Variants in SFI1 observed in about 807,000 individuals in gnomAD.
SFI1 encodes protein SFI1 homolog.
Under a neutral mutation model 207.5 loss-of-function variants are expected in SFI1, and 195 were observed. The ratio of observed to expected loss-of-function variants is 0.94; its 90% CI spans 0.84 to 1.06. The LOEUF (loss-of-function observed/expected upper bound fraction) is 1.06, where lower values mean the gene tolerates loss of function less well. SFI1 is among the 50% of genes least tolerant of loss of function. SFI1 has a pLI of 0.00. For missense variants in SFI1, 1,634 were observed against 1,588.0 expected, an observed-to-expected ratio of 1.03 and a Z score of -0.49; for synonymous variants, 630 against 598.9, an observed-to-expected ratio of 1.05 and a Z score of -0.76.
chr22:31,545,901 T>A (rs1037939677), intron 4 of SFI1, among the ~76,000 whole-genome samples: 2 of 143,904 alleles, frequency 1.4e-5, no homozygotes, highest in Non-Finnish European at 3.0e-5. Flanking sequence ...TTTTTTTTTT[T>A]AATGTATTTG....
At chr22:31,609,942 G>A (rs755622364) in intron 22 of SFI1, among the ~76,000 whole-genome samples, 75 of 152,324 alleles carry the variant, frequency 4.9e-4, no homozygotes, top group Non-Finnish European at 7.2e-4. Context: ...TAGAGGCGAC[G>A]GGTTTGAGTG....
intron 15 of SFI1, among the ~76,000 whole-genome samples, chr22:31,599,169 T>G (rs5753720): frequency 0.99 from 150,408 of 152,070 alleles, 74,404 homozygotes; most frequent in Middle Eastern, 1. Context: ...GATCTGAAAA[T>G]ATATTTTCCT....
intron 12 of SFI1, among the ~76,000 whole-genome samples, chr22:31,581,476 A>T (rs2064171554): frequency 6.6e-6 from 1 of 151,726 alleles, no homozygotes; most frequent in Admixed American, 6.6e-5. Flanking sequence ...TTTTTAGTAG[A>T]GACGGGTTTT....
chr22:31,606,864 A>C (rs1398851052), intron 21 of SFI1: 1 of 158,624 alleles, frequency 6.3e-6, no homozygotes, highest in Admixed American at 6.2e-5. Context: ...CGTCCGACTA[A>C]TTTTTGTATT....
At chr22:31,588,594 C>T (rs1384951029) in intron 14 of SFI1, among the ~76,000 whole-genome samples, 1 of 152,188 alleles carries the variant, frequency 6.6e-6, no homozygotes, top group Admixed American at 6.5e-5. Context: ...GCAGGCAGAT[C>T]GTGAGGTCAA....
chr22:31,614,933 A>C (rs1370018022), intron 28 of SFI1, 73 bp downstream of exon 28: 4 of 1,584,102 alleles, frequency 2.5e-6, no homozygotes, highest in South Asian at 2.3e-5. Flanking sequence ...GGGCACCTCC[A>C]TGTGGGGCCT....
chr22:31,611,269 G>A lies in SFI1; in HGVS notation c.2381G>A (p.Trp794Ter). 1 of 1,611,692 alleles carries A rather than the reference G, an allele frequency of 6.2e-7. No homozygotes were observed. Among genetic ancestry groups the A allele is most frequent in the Non-Finnish European group, 8.5e-7 (1 of 1,178,784 alleles). The change falls in exon 23 of 33, where the codon TGG becomes TAG. Residue 794 changes from tryptophan to a stop codon, truncating the protein, a stop_gained. Transcript: ENST00000400288. LOFTEE classifies it high-confidence loss of function. ...CTGCTGCTGGAGGGGCTGGCCCGGT[G>A]GAAGACGCACCATCTGCAGTGTGTC... ...RQLLLEGLAR[W>*]KTHHLQCVRK...
At chr22:31,585,156 A>G in intron 14 of SFI1, 22 bp downstream of exon 14, 1 of 1,599,300 alleles carries the variant, frequency 6.3e-7, no homozygotes, top group Non-Finnish European at 8.6e-7. Flanking sequence ...TTTTTAGCAG[A>G]TAGCTCTACT....
intron 19 of SFI1, 24 bp from the exon 20 acceptor site, chr22:31,604,845 C>G (rs749567894): frequency 1.1e-5 from 17 of 1,604,994 alleles, no homozygotes; most frequent in Non-Finnish European, 1.4e-5. Context: ...CAAGAGCAGC[C>G]TCAGTCTTCC....
chr22:31,556,561 A>G (rs1238692770), intron 6 of SFI1, among the ~76,000 whole-genome samples: 2 of 152,096 alleles, frequency 1.3e-5, no homozygotes, highest in Admixed American at 1.3e-4. Flanking sequence ...CCATGTATCC[A>G]TTACCCAGCT....
chr22:31,606,647 A>G (rs1450250915), intron 21 of SFI1: 2 of 469,054 alleles, frequency 4.3e-6, no homozygotes, highest in Non-Finnish European at 7.5e-6. Context: ...AACATAACAC[A>G]TCATAAGTGA....
At chr22:31,567,570 G>A (rs56404793) in intron 8 of SFI1, among the ~76,000 whole-genome samples, 3 of 136,442 alleles carry the variant, frequency 2.2e-5, no homozygotes, top group East Asian at 4.0e-4. Flanking sequence ...GTTTGTGGAG[G>A]GGGGGGGTGT....
chr22:31,502,618 C>T (rs2053980623), intron 1 of SFI1, among the ~76,000 whole-genome samples: 2 of 152,126 alleles, frequency 1.3e-5, no homozygotes, highest in Admixed American at 1.3e-4. Flanking sequence ...AGGTGATCCA[C>T]CTGCCTCGGC....
chr22:31,501,424 C>T (rs1018974845), intron 1 of SFI1, among the ~76,000 whole-genome samples: 4 of 152,134 alleles, frequency 2.6e-5, no homozygotes, highest in Non-Finnish European at 4.4e-5. Flanking sequence ...CCCATCTCGG[C>T]CTCCCAAAGT....
At chr22:31,507,021 A>G (rs942044691) in intron 1 of SFI1, among the ~76,000 whole-genome samples, 1 of 152,230 alleles carries the variant, frequency 6.6e-6, no homozygotes, top group South Asian at 2.1e-4. Context: ...TAAAATTCAT[A>G]TGGAACAAAA....
intron 10 of SFI1, among the ~76,000 whole-genome samples, chr22:31,576,764 C>T (rs576133686): frequency 6.6e-6 from 1 of 151,134 alleles, no homozygotes; most frequent in East Asian, 2.0e-4. Flanking sequence ...CTCAGCCCCA[C>T]GAGTAGCTGG....
At chr22:31,575,110 GTGT>G in intron 9 of SFI1, 118 bp from the exon 10 acceptor site, 1 of 583,150 alleles carries the variant, frequency 1.7e-6, no homozygotes, top group Non-Finnish European at 2.8e-6. Flanking sequence ...GTGTGTGTGT[GTGT>G]GTGTGTGTGG....
chr22:31,606,440 AAGG>A lies in SFI1; in HGVS notation c.2157+14_2157+16del, dbSNP rs1178152560. On this transcript the variant is annotated intron_variant, in intron 21 of 32. Coordinates refer to ENST00000400288, the MANE Select transcript of SFI1 (RefSeq NM_001007467.3). ...GACCATATGTTCCAAGGTGAGGTAT[AAGG>A]AGGCAAGCTGGTCACCCAGGAGAGT... 1.2e-6 allele frequency: 2 copies of A among 1,611,034 alleles called. No homozygotes were observed. Among genetic ancestry groups the A allele is most frequent in the Admixed American group, 3.3e-5 (2 of 59,918 alleles).
At chr22:31,513,852 T>G (rs537134624) in intron 2 of SFI1, among the ~76,000 whole-genome samples, 97 of 81,022 alleles carry the variant, frequency 1.2e-3, no homozygotes, top group African/African-American at 4.7e-3. Flanking sequence ...GTGCTGGGAT[T>G]ACAGGCATGA....
Sources: allele counts gnomAD v4.1 joint callset (sites outside exome capture counted in the v4.1 genomes callset), GRCh38; gene constraint gnomAD v4.1.1; transcripts MANE v1.5; gene names NCBI Gene and HGNC (gene_info 2026-07-23, HGNC 2026-07-21).